The following ITGA2 variants were observed in gnomAD, a reference collection of about 807,000 sequenced individuals.
ITGA2 encodes the protein integrin alpha-2.
ITGA2 carries 101 observed loss-of-function variants against 146.3 expected under a neutral mutation model. That is an observed-to-expected ratio of 0.69 (90% CI 0.59 to 0.81). The LOEUF (loss-of-function observed/expected upper bound fraction) is 0.81. ITGA2 is among the 40% of genes least tolerant of loss of function. ITGA2 has a pLI of 0.00. For synonymous variants in ITGA2, 477 were observed against 487.1 expected (o/e 0.98, Z 0.27); for missense variants, 1,281 against 1,402.7 (o/e 0.91, Z 1.39).
chr5:53,065,705 A>G, intron 14 of ITGA2, 136 bp from the exon 15 acceptor site: 1 of 1,139,454 alleles, frequency 8.8e-7, no homozygotes, highest in South Asian at 1.4e-5. Context: ...TTAAAAAATG[A>G]ATCTTTAGAA....
intron 1 of ITGA2, among the ~76,000 whole-genome samples, chr5:53,009,662 A>T (rs1319740161): frequency 1.3e-5 from 2 of 152,108 alleles, no homozygotes; most frequent in South Asian, 4.2e-4. Flanking sequence ...GATTGATTAT[A>T]TATTTTATAT....
chr5:53,017,526 T>C (rs1742449917), intron 1 of ITGA2, among the ~76,000 whole-genome samples: 1 of 152,200 alleles, frequency 6.6e-6, no homozygotes, highest in Admixed American at 6.5e-5. Flanking sequence ...GCCAAAGCTC[T>C]TTGTTGGGGT....
At chr5:53,000,202 A>G (rs1741497104) in intron 1 of ITGA2, among the ~76,000 whole-genome samples, 1 of 152,228 alleles carries the variant, frequency 6.6e-6, no homozygotes, top group African/African-American at 2.4e-5. Context: ...AGTAAATAGT[A>G]TAGTATTTTT....
At chr5:53,028,152 C>T (rs1425237485) in intron 2 of ITGA2, among the ~76,000 whole-genome samples, 1 of 151,914 alleles carries the variant, frequency 6.6e-6, no homozygotes, top group Non-Finnish European at 1.5e-5. Flanking sequence ...CCATTTGATA[C>T]TCTAAACAAT....
intron 1 of ITGA2, among the ~76,000 whole-genome samples, chr5:53,017,669 A>T (rs1468647537): frequency 6.6e-6 from 1 of 152,238 alleles, no homozygotes; most frequent in Non-Finnish European, 1.5e-5. Flanking sequence ...GCATGGTAGC[A>T]GTACAGCAGG....
chr5:53,030,770 T>G (rs964202531), intron 2 of ITGA2, among the ~76,000 whole-genome samples: 5 of 152,270 alleles, frequency 3.3e-5, no homozygotes, highest in Non-Finnish European at 7.3e-5. Context: ...TTGAATAATA[T>G]AGAAGACATC....
rs766089933 is a variant in ITGA2 at position 53,058,044 on chromosome 5, C to A, written c.1116C>A (p.Asp372Glu). ...TTCCAGGTACTGTTCAAGGAGGAGA[C>A]AACTTTCAGATGGAAATGTCACAAG... is the stretch of plus-strand genomic sequence containing the variant. ...FSIEGTVQGGDNFQMEMSQVG... is the reference protein window; with the variant it reads ...FSIEGTVQGGENFQMEMSQVG... The change falls in exon 10 of 30, where the codon GAC becomes GAA. Residue 372 changes from aspartate to glutamate, a missense_variant. Physicochemically the swap from Asp to Glu is conservative, Grantham distance 45. Around this residue, in one of 3 missense-constraint regions of ITGA2, gnomAD observed 795 missense variants for 841.7 expected, o/e 0.94. Transcript: ENST00000296585. The A allele has an allele frequency of 2.5e-6, 4 of 1,611,260 alleles. No homozygotes were observed. The highest frequency in any genetic ancestry group is 1.1e-5 in the South Asian group (1 of 91,028).
intron 1 of ITGA2, among the ~76,000 whole-genome samples, chr5:52,998,492 A>G (rs1323855755): frequency 6.6e-6 from 1 of 152,086 alleles, no homozygotes; most frequent in African/African-American, 2.4e-5. Context: ...CAAAAAAGGC[A>G]GAGTCCCATG....
chr5:53,090,830 TG>T lies in ITGA2; in HGVS notation c.*236del, dbSNP rs3212647. On this transcript the variant is annotated 3_prime_UTR_variant, in exon 30 of 30. Transcript: ENST00000296585. ...TAGGGAAAATACCTATTTTATATGA[TG>T]GGGGAAAAAAAGTAATCTTTAAACT... 1,740 of 597,948 alleles carry T rather than the reference TG, an allele frequency of 2.9e-3. 17 individuals carry two copies. The highest frequency in any genetic ancestry group is 0.024 in the African/African-American group (1,309 of 53,452). The allele number at this position is 597,948 out of a possible 1,614,324, so 37.0% of individuals were successfully genotyped here. A position where few individuals can be genotyped will look rare whatever the true frequency, so the allele number is the denominator to read the frequency against.
chr5:53,060,079 A>G (rs1744831259), intron 11 of ITGA2, 67 bp downstream of exon 11: 1 of 1,544,254 alleles, frequency 6.5e-7, no homozygotes, highest in South Asian at 1.1e-5. Context: ...TCTTTGTTGA[A>G]TCTCAGGGTG....
At chr5:53,020,719 T>A (rs1742635477) in intron 1 of ITGA2, among the ~76,000 whole-genome samples, 1 of 151,660 alleles carries the variant, frequency 6.6e-6, no homozygotes, top group Non-Finnish European at 1.5e-5. Context: ...TTTCACTCTG[T>A]CACCCAGGCT....
intron 10 of ITGA2, 118 bp from the exon 11 acceptor site, chr5:53,059,756 T>TA (rs1464927318): frequency 3.2e-6 from 3 of 933,362 alleles, no homozygotes; most frequent in Non-Finnish European, 5.1e-6. Flanking sequence ...TATATGTTCA[T>TA]ATATATTTCA....
intron 16 of ITGA2, among the ~76,000 whole-genome samples, chr5:53,069,310 G>T (rs1184783429): frequency 6.6e-6 from 1 of 151,722 alleles, no homozygotes; most frequent in Non-Finnish European, 1.5e-5. Flanking sequence ...TTTTTTTCAT[G>T]AGTTGGTATT....
chr5:53,087,721 C>T (rs114652626), intron 28 of ITGA2, among the ~76,000 whole-genome samples: 307 of 152,142 alleles, frequency 2.0e-3, no homozygotes, highest in African/African-American at 7.2e-3. Flanking sequence ...TTCCTCTGCA[C>T]TGACTCTGGT....
At position 53,026,841 on chromosome 5, in the gene ITGA2, A is replaced by G; in HGVS notation, c.158A>G (p.Gln53Arg). ...PSSEQFGYAV[Q>R]QFINPKGNWL... The stretch of plus-strand genomic sequence containing the variant: ...AGTGAACAGTTTGGCTATGCAGTGC[A>G]GCAGTTTATAAATCCAAAAGGCAAC... Residue 53 changes from glutamine (Q) to arginine (R), a missense_variant, in exon 2 of 30, where the codon CAG becomes CGG. Transcript: ENST00000296585. The G allele has an allele frequency of 6.2e-7, 1 of 1,613,538 alleles. No homozygotes were observed. Among genetic ancestry groups the G allele is most frequent in the Non-Finnish European group, 8.5e-7 (1 of 1,179,494 alleles).
chr5:53,033,525 C>G (rs191624293), intron 2 of ITGA2, among the ~76,000 whole-genome samples: 9 of 152,132 alleles, frequency 5.9e-5, no homozygotes, highest in African/African-American at 1.9e-4. Context: ...TTAGGTTGTC[C>G]TGGCAGTGCC....
At position 53,057,926 on chromosome 5, in the gene ITGA2, G is replaced by C; in HGVS notation, c.1097-99G>C. The C allele has an allele frequency of 5.0e-6, 4 of 804,812 alleles. No homozygotes were observed. In the Admixed American group the frequency reaches 7.1e-5, roughly 14 times the overall value. The allele number at this position is 804,812 out of a possible 1,614,324, so 49.9% of individuals were successfully genotyped here. ...ATTGGAACAGTGTGTGTTTGTGTTT[G>C]TGTTTGTAGGCATGTGTGTACATAC... On this transcript the variant is annotated intron_variant, in intron 9 of 29. Transcript: ENST00000296585.
rs772161302 is a variant in ITGA2 at position 52,989,446 on chromosome 5, A to G, written c.-23A>G. 1.9e-6 allele frequency: 3 copies of G among 1,613,516 alleles called. No individual in the cohort carries two copies. ...AAACCTCTGCAAACCCAGCGCAACT[A>G]CGGTCCCCCGGTCAGACCCAGGATG... On this transcript the variant is annotated 5_prime_UTR_variant, in exon 1 of 30. Coordinates refer to ENST00000296585, the MANE Select transcript of ITGA2 (RefSeq NM_002203.4).
intron 1 of ITGA2, among the ~76,000 whole-genome samples, chr5:53,023,584 C>T (rs958551379): frequency 6.6e-6 from 1 of 151,992 alleles, no homozygotes; most frequent in African/African-American, 2.4e-5. Flanking sequence ...ATCCTCAGGA[C>T]CTTAAAAAAC....
Sources: allele counts gnomAD v4.1 joint callset (sites outside exome capture counted in the v4.1 genomes callset), GRCh38; gene constraint gnomAD v4.1.1; regional missense constraint gnomAD v4.1.1; transcripts MANE v1.5; gene names NCBI Gene and HGNC (gene_info 2026-07-23, HGNC 2026-07-21).